The following GRID1 variants were observed in gnomAD, a reference collection of about 807,000 sequenced individuals.
The protein encoded by GRID1 is glutamate receptor ionotropic, delta-1.
Under a neutral mutation model 98.0 loss-of-function variants are expected in GRID1, and 28 were observed. The observed-to-expected ratio is 0.29, with a 90% CI of 0.21 to 0.39. The LOEUF is 0.39. GRID1 is among the 10% of genes least tolerant of loss of function. GRID1 has a pLI of 1.00. For synonymous variants in GRID1, 553 were observed against 538.5 expected, an observed-to-expected ratio of 1.03 and a Z score of -0.37; for missense variants, 1,111 against 1,340.5, an observed-to-expected ratio of 0.83 and a Z score of 2.67.
chr10:86,164,650 A>G (rs1008874279), intron 3 of GRID1, among the ~76,000 whole-genome samples: 3 of 152,220 alleles, frequency 2.0e-5, no homozygotes, highest in Non-Finnish European at 4.4e-5. Context: ...TCCCAAGAAA[A>G]TGAGTTTAAG....
At chr10:86,003,564 C>A (rs1842825235) in intron 4 of GRID1, among the ~76,000 whole-genome samples, 1 of 152,200 alleles carries the variant, frequency 6.6e-6, no homozygotes, top group Admixed American at 6.5e-5. Context: ...CATGTGGCAG[C>A]CACTCGTGGA....
At chr10:85,928,481 T>G (rs1212086102) in intron 4 of GRID1, among the ~76,000 whole-genome samples, 1 of 152,186 alleles carries the variant, frequency 6.6e-6, no homozygotes, top group Admixed American at 6.5e-5. Flanking sequence ...AGGCTTGGCC[T>G]GCAGACACCA....
chr10:85,966,026 T>C (rs1019726285), intron 4 of GRID1, among the ~76,000 whole-genome samples: 3 of 152,178 alleles, frequency 2.0e-5, no homozygotes, highest in African/African-American at 7.2e-5. Context: ...GGGTGGGAAC[T>C]GAGTTTGGAG....
intron 12 of GRID1, among the ~76,000 whole-genome samples, chr10:85,699,003 C>T (rs1040060497): frequency 2.0e-5 from 3 of 151,902 alleles, no homozygotes; most frequent in African/African-American, 7.3e-5. Flanking sequence ...GTATTTTTTT[C>T]ATAGTTGAAT....
intron 8 of GRID1, among the ~76,000 whole-genome samples, chr10:85,735,120 T>C (rs1841865992): frequency 6.6e-6 from 1 of 152,174 alleles, no homozygotes; most frequent in Non-Finnish European, 1.5e-5. Flanking sequence ...TGTACATGAG[T>C]GAGTCTACTC....
chr10:85,602,329 C>T lies in GRID1; in HGVS notation c.2974G>A (p.Val992Met), dbSNP rs750506544. 30 of 1,559,560 alleles carry T rather than the reference C, an allele frequency of 1.9e-5. No individual in the cohort carries two copies. Among genetic ancestry groups the T allele is most frequent in the Middle Eastern group, 1.7e-4 (1 of 5,768 alleles). Reference sequence around the variant, plus strand: ...GCCTCTGGAAGGACGCCTCCAGGCACGGGCTGGAAGGACATGGGGATGGGG... The same window carrying T: ...GCCTCTGGAAGGACGCCTCCAGGCATGGGCTGGAAGGACATGGGGATGGGG... ...KTPIPMSFQP[V>M]PGGVLPEALD... Residue 992 changes from valine (V) to methionine (M), a missense_variant, in exon 16 of 16, where the codon GTG (valine) becomes ATG (methionine). Val to Met is a conservative substitution (Grantham distance 21). Coordinates refer to ENST00000327946, the MANE Select transcript of GRID1 (RefSeq NM_017551.3).
intron 4 of GRID1, among the ~76,000 whole-genome samples, chr10:85,962,073 G>A: frequency 6.6e-6 from 1 of 152,184 alleles, no homozygotes; most frequent in Admixed American, 6.5e-5. Flanking sequence ...GGAGGACAGA[G>A]GGTGGTCTGT....
chr10:85,826,716 C>T (rs1479530609), intron 8 of GRID1, among the ~76,000 whole-genome samples: 1 of 152,156 alleles, frequency 6.6e-6, no homozygotes, highest in Admixed American at 6.5e-5. Flanking sequence ...CTCTGGCCAG[C>T]ATCTCCCATC....
At chr10:86,009,454 C>G (rs935107442) in intron 4 of GRID1, among the ~76,000 whole-genome samples, 1 of 152,122 alleles carries the variant, frequency 6.6e-6, no homozygotes, top group Admixed American at 6.5e-5. Context: ...GAACATCAAG[C>G]AACAGAATTT....
chr10:86,183,129 C>A (rs1242513071), intron 3 of GRID1, among the ~76,000 whole-genome samples: 2 of 152,158 alleles, frequency 1.3e-5, no homozygotes, highest in Non-Finnish European at 2.9e-5. Flanking sequence ...ATCCCCCACC[C>A]CAGTCCCCAG....
chr10:86,234,818 AGGCATACT>A (rs1338930754), intron 2 of GRID1, among the ~76,000 whole-genome samples: 1 of 152,172 alleles, frequency 6.6e-6, no homozygotes, highest in Non-Finnish European at 1.5e-5. Flanking sequence ...AAAATACAGC[AGGCATACT>A]GGCGACACAG....
At chr10:86,095,702 T>A (rs575780549) in intron 4 of GRID1, among the ~76,000 whole-genome samples, 3 of 151,796 alleles carry the variant, frequency 2.0e-5, no homozygotes, top group South Asian at 4.2e-4. Flanking sequence ...AAAAAAAAAT[T>A]TTTTTAAAAG....
rs77543616 is a variant in GRID1 at position 86,073,075 on chromosome 10, A to G, written c.726+65744T>C. On this transcript the variant is annotated intron_variant, in intron 4 of 15. Transcript: ENST00000327946. ...ACCTCCACTCATGTTTCCAGTTTGT[A>G]AGTTGTTTGTTAGTAATTAAAAAAT... Among the ~76,000 whole-genome samples, 1,143 of 152,354 alleles carry G rather than the reference A, an allele frequency of 7.5e-3. 15 individuals are homozygous for G. Among genetic ancestry groups the G allele is most frequent in the African/African-American group, 0.026 (1,094 of 41,590 alleles).
rs546713292 is a variant in GRID1, at chr10:85,804,640, GT to G, written c.1233+49855del. On this transcript the variant is annotated intron_variant, in intron 8 of 15. Coordinates refer to ENST00000327946, the MANE Select transcript of GRID1 (RefSeq NM_017551.3). ...AAGATATAGCATTATGACTATGTAC[GT>G]ATTTGTCATAGAATTGCAAGGTTGT... 6.6e-5 allele frequency among the ~76,000 whole-genome samples: 10 copies of G among 151,752 alleles called. No homozygotes were observed. In the South Asian group the frequency reaches 2.1e-3, roughly 31 times the overall value.
chr10:86,311,001 C>T (rs1365053304), intron 2 of GRID1, among the ~76,000 whole-genome samples: 1 of 151,892 alleles, frequency 6.6e-6, no homozygotes, highest in East Asian at 1.9e-4. Flanking sequence ...GGAGGAGGAG[C>T]AGAGTGAGGA....
chr10:85,743,114 C>CACCA lies in GRID1; in HGVS notation c.1234-13501_1234-13500insTGGT, dbSNP rs1554828640. On this transcript the variant is annotated intron_variant, in intron 8 of 15. Transcript: ENST00000327946. ...AGGATAGAATTATGCAGCCCCCCCC[C>CACCA]CCACCACCCATTGAGAACCAATTAT... Among the ~76,000 whole-genome samples the CACCA allele has an allele frequency of 2.8e-4, 38 of 134,368 alleles. 3 individuals carry two copies. The highest frequency in any genetic ancestry group is 5.1e-4 in the Non-Finnish European group (31 of 60,544). The allele number at this position is 134,368 out of a possible 152,430, so 88.2% of individuals were successfully genotyped here.
At chr10:86,234,518 T>C (rs1207545313) in intron 2 of GRID1, among the ~76,000 whole-genome samples, 11 of 152,232 alleles carry the variant, frequency 7.2e-5, no homozygotes, top group Admixed American at 2.6e-4. Context: ...GATTAAAATT[T>C]CATGCATTTT....
At chr10:86,209,548 G>GA (rs1164140946) in intron 2 of GRID1, among the ~76,000 whole-genome samples, 6 of 152,226 alleles carry the variant, frequency 3.9e-5, no homozygotes, top group Admixed American at 1.3e-4. Context: ...CAGCTAGGCA[G>GA]AAAGCACACC....
At chr10:86,199,850 A>C (rs1845923387) in intron 3 of GRID1, among the ~76,000 whole-genome samples, 1 of 152,028 alleles carries the variant, frequency 6.6e-6, no homozygotes. Flanking sequence ...CAGTGAAAGG[A>C]CCAGAGCCTT....
Sources: gnomAD v4.1 joint callset for allele counts (sites outside exome capture counted in the v4.1 genomes callset) on GRCh38, gnomAD v4.1.1 for gene constraint, MANE v1.5 for transcripts, NCBI Gene and HGNC (gene_info 2026-07-23, HGNC 2026-07-21) for gene names.